The following LMO7 variants were observed in gnomAD, a reference collection of about 807,000 sequenced individuals.
LMO7 encodes the protein LIM domain 7.
In LMO7, 120 loss-of-function variants were observed where a neutral mutation model predicts 206.5. The ratio of observed to expected loss-of-function variants is 0.58; its 90% CI spans 0.50 to 0.68. The LOEUF is 0.68. Ranked by LOEUF, LMO7 falls within the 30% of genes least tolerant of loss-of-function variation. The probability of loss-of-function intolerance (pLI) is 0.00; values close to 1 mark genes in which losing one functional copy is unlikely to be tolerated. For synonymous variants in LMO7, 706 were observed against 681.5 expected (o/e 1.04, Z -0.56); for missense variants, 1,959 against 1,957.9 (o/e 1.00, Z -0.01).
intron 3 of LMO7, among the ~76,000 whole-genome samples, chr13:75,749,296 A>C (rs1051754346): frequency 1.3e-5 from 2 of 152,214 alleles, no homozygotes; most frequent in African/African-American, 4.8e-5. Context: ...GCATTTTAGC[A>C]TCACAGTGAC....
rs2061159621 is a variant in LMO7, at chr13:75,859,664, T to C, written c.*1721T>C. 1 of 152,216 alleles carries C rather than the reference T, an allele frequency of 6.6e-6. No homozygotes were observed. The allele number at this position is 152,216 out of a possible 1,614,324, so 9.4% of individuals were successfully genotyped here. A position where few individuals can be genotyped will look rare whatever the true frequency, so the allele number is the denominator to read the frequency against. Reference sequence around the variant, plus strand: ...AAATAGTTGCTCAGAGATTATGCATTTTAAGACACTCATAGTATATATTGC... The same window carrying C: ...AAATAGTTGCTCAGAGATTATGCATCTTAAGACACTCATAGTATATATTGC... On this transcript the variant is annotated 3_prime_UTR_variant, in exon 31 of 31. Coordinates refer to ENST00000377534, the MANE Select transcript of LMO7 (RefSeq NM_001306080.2).
At chr13:75,716,117 A>G (rs1408397186) in intron 2 of LMO7, among the ~76,000 whole-genome samples, 1 of 152,124 alleles carries the variant, frequency 6.6e-6, no homozygotes, top group Non-Finnish European at 1.5e-5. Flanking sequence ...ATTCTCATTC[A>G]TTACCACCAT....
At position 75,713,211 on chromosome 13, in the gene LMO7, A is replaced by G; in HGVS notation, c.99A>G (p.Lys33=). 6.2e-7 allele frequency: 1 copy of G among 1,611,766 alleles called. No individual in the cohort carries two copies. Among genetic ancestry groups the G allele is most frequent in the South Asian group, 1.1e-5 (1 of 90,786 alleles). ...EAVTEKNFET[K]DFRASLENGV... is the part of the protein sequence containing the mutation. Reference sequence around the variant, plus strand: ...TAACAGAGAAGAATTTTGAAACAAAAGATTTTCGAGCCTCTCTAGAAAATG... The same window carrying G: ...TAACAGAGAAGAATTTTGAAACAAAGGATTTTCGAGCCTCTCTAGAAAATG... Residue 33 remains lysine, a synonymous_variant, in exon 2 of 31, where the codon AAA becomes AAG. Transcript: ENST00000377534.
At chr13:75,675,888 G>GCACACACA (rs3036374) in intron 1 of LMO7, among the ~76,000 whole-genome samples, 17 of 150,780 alleles carry the variant, frequency 1.1e-4, no homozygotes, top group East Asian at 5.9e-4. Flanking sequence ...GCACGAGCGT[G>GCACACACA]CACACACACA....
exon 1 of LMO7, chr13:75,621,588 A>T: frequency 4.4e-6 from 2 of 454,608 alleles, no homozygotes; most frequent in Non-Finnish European, 7.4e-6. Context: ...TAGCTATTTG[A>T]ATTTTGATGA....
chr13:75,845,482 T>G, intron 26 of LMO7, 103 bp downstream of exon 26: 2 of 651,830 alleles, frequency 3.1e-6, no homozygotes, highest in Non-Finnish European at 5.3e-6. Context: ...TTCATTAAGA[T>G]TACTTAATTA....
At chr13:75,739,351 C>T (rs1306667445) in intron 3 of LMO7, among the ~76,000 whole-genome samples, 1 of 152,196 alleles carries the variant, frequency 6.6e-6, no homozygotes, top group African/African-American at 2.4e-5. Context: ...CTGAATTGAG[C>T]ATCTTTCAGA....
intron 1 of LMO7, among the ~76,000 whole-genome samples, chr13:75,693,223 A>G (rs2041633390): frequency 6.6e-6 from 1 of 152,232 alleles, no homozygotes; most frequent in South Asian, 2.1e-4. Context: ...GATATAATCC[A>G]TCATCCTTCT....
At chr13:75,845,418 C>G (rs1284362802) in intron 26 of LMO7, 39 bp downstream of exon 26, 2 of 1,246,312 alleles carry the variant, frequency 1.6e-6, no homozygotes, top group African/African-American at 3.0e-5. Context: ...TTCAGAGTTG[C>G]TTATTTGTGG....
At chr13:75,719,089 C>T (rs1040461704) in intron 2 of LMO7, among the ~76,000 whole-genome samples, 2 of 151,756 alleles carry the variant, frequency 1.3e-5, no homozygotes, top group Admixed American at 6.6e-5. Context: ...AAGCGATTCT[C>T]CTGCCTCAGC....
chr13:75,691,623 C>T (rs771524945), intron 1 of LMO7, among the ~76,000 whole-genome samples: 5 of 152,166 alleles, frequency 3.3e-5, no homozygotes, highest in Non-Finnish European at 7.3e-5. Flanking sequence ...ACCCAGTCCT[C>T]TCTTTCTCCT....
intron 1 of LMO7, among the ~76,000 whole-genome samples, chr13:75,684,668 A>G (rs1424379642): frequency 6.7e-6 from 1 of 149,632 alleles, no homozygotes; most frequent in African/African-American, 2.5e-5. Flanking sequence ...AAATAGGGGG[A>G]GGCTTCGAAA....
At chr13:75,661,388 A>G (rs2038586583) in intron 1 of LMO7, among the ~76,000 whole-genome samples, 1 of 152,230 alleles carries the variant, frequency 6.6e-6, no homozygotes. Flanking sequence ...AGACTGCTTT[A>G]TGTGACCATG....
chr13:75,745,031 A>G (rs1345913889), intron 3 of LMO7, among the ~76,000 whole-genome samples: 1 of 152,192 alleles, frequency 6.6e-6, no homozygotes, highest in Non-Finnish European at 1.5e-5. Context: ...TGAAAAAACA[A>G]TGTGAATAAA....
chr13:75,665,001 A>AAATGTG (rs1335961088), intron 1 of LMO7, among the ~76,000 whole-genome samples: 2 of 152,188 alleles, frequency 1.3e-5, no homozygotes, highest in Admixed American at 1.3e-4. Flanking sequence ...AAGGTGGTAA[A>AAATGTG]AATGTGCTTT....
intron 1 of LMO7, among the ~76,000 whole-genome samples, chr13:75,655,513 A>C (rs1045183095): frequency 6.6e-6 from 1 of 151,842 alleles, no homozygotes; most frequent in African/African-American, 2.4e-5. Context: ...ATCTTTGCAG[A>C]GTCTTTCCAT....
intron 1 of LMO7, among the ~76,000 whole-genome samples, chr13:75,695,697 C>A (rs1218774907): frequency 2.6e-5 from 4 of 152,204 alleles, no homozygotes; most frequent in African/African-American, 9.6e-5. Context: ...CCCAAAGCTA[C>A]AACTAACCAG....
At chr13:75,668,652 C>T (rs148754268) in intron 1 of LMO7, among the ~76,000 whole-genome samples, 1,628 of 152,250 alleles carry the variant, frequency 0.011, 28 homozygotes, top group South Asian at 0.074. Context: ...TCTCCAGTAC[C>T]CTCAGAAATT....
At chr13:75,834,770 G>C (rs2138984296) in intron 17 of LMO7, among the ~76,000 whole-genome samples, 1 of 152,192 alleles carries the variant, frequency 6.6e-6, no homozygotes, top group South Asian at 2.1e-4. Context: ...GAGCTTGGTA[G>C]GTCATATTTC....
Sources: gnomAD v4.1 joint callset for allele counts (sites outside exome capture counted in the v4.1 genomes callset) on GRCh38, gnomAD v4.1.1 for gene constraint, MANE v1.5 for transcripts, NCBI Gene and HGNC (gene_info 2026-07-23, HGNC 2026-07-21) for gene names.